GALNT13: variants seen among roughly 807,000 people sequenced by gnomAD.
The protein encoded by GALNT13 is polypeptide N-acetylgalactosaminyltransferase 13.
A neutral mutation model predicts 64.2 loss-of-function variants in GALNT13; 28 were observed. The observed-to-expected ratio is 0.44, with a 90% CI of 0.32 to 0.60. The LOEUF (loss-of-function observed/expected upper bound fraction) is 0.60. Among genes scored for constraint, GALNT13 ranks in the 20% least tolerant of loss-of-function variants. The pLI is 0.05. For missense variants in GALNT13, 577 were observed against 669.8 expected (o/e 0.86, Z 1.53); for synonymous variants, 214 against 224.6 (o/e 0.95, Z 0.42).
At chr2:153,778,438 C>T in the GALNT13 span, among the ~76,000 whole-genome samples, 1 of 152,184 alleles carries the variant, frequency 6.6e-6, no homozygotes, top group Non-Finnish European at 1.5e-5. Context: ...CACCCCTTCT[C>T]CATCATTTTA....
At chr2:153,490,626 C>A in the GALNT13 span, among the ~76,000 whole-genome samples, 1 of 152,108 alleles carries the variant, frequency 6.6e-6, no homozygotes. Flanking sequence ...CCTTCAAGGA[C>A]AATACCAAAA....
chr2:153,840,731 G>A, the GALNT13 span, among the ~76,000 whole-genome samples: 4 of 152,224 alleles, frequency 2.6e-5, no homozygotes, highest in African/African-American at 4.8e-5. Context: ...ATAAAAAATA[G>A]AAAAAGCTAG....
chr2:153,884,511 T>C (rs1482707946), intron 1 of GALNT13, among the ~76,000 whole-genome samples: 3 of 151,780 alleles, frequency 2.0e-5, no homozygotes, highest in Non-Finnish European at 2.9e-5. Flanking sequence ...CTGAACGTGA[T>C]AGCAATAATT....
intron 9 of GALNT13, among the ~76,000 whole-genome samples, chr2:154,318,724 C>CAA (rs5835510): frequency 3.1e-5 from 3 of 96,672 alleles, no homozygotes; most frequent in Non-Finnish European, 6.5e-5. Context: ...AACTCCATTT[C>CAA]AAAAAAAAAA....
the GALNT13 span, among the ~76,000 whole-genome samples, chr2:153,768,476 T>C: frequency 6.6e-6 from 1 of 152,178 alleles, no homozygotes; most frequent in Non-Finnish European, 1.5e-5. Context: ...GGTGCCCCAG[T>C]ATTAGATGCA....
intron 4 of GALNT13, among the ~76,000 whole-genome samples, chr2:154,214,372 G>A (rs1687933094): frequency 6.6e-6 from 1 of 152,000 alleles, no homozygotes. Flanking sequence ...ACCTTTGCTT[G>A]TTGTACTATT....
chr2:153,300,234 G>A, the GALNT13 span, among the ~76,000 whole-genome samples: 1 of 152,172 alleles, frequency 6.6e-6, no homozygotes, highest in East Asian at 1.9e-4. Context: ...ACATGGGTAG[G>A]TTCCCCACTT....
chr2:153,784,679 A>G, the GALNT13 span, among the ~76,000 whole-genome samples: 1 of 152,166 alleles, frequency 6.6e-6, no homozygotes, highest in Admixed American at 6.5e-5. Flanking sequence ...GTAGAAGGTT[A>G]AACTCACATA....
At chr2:153,851,098 A>G in the GALNT13 span, among the ~76,000 whole-genome samples, 9 of 152,160 alleles carry the variant, frequency 5.9e-5, no homozygotes, top group African/African-American at 2.2e-4. Flanking sequence ...GAGAGAAGAA[A>G]ACTATACCAT....
chr2:153,408,484 A>G, the GALNT13 span, among the ~76,000 whole-genome samples: 1 of 152,166 alleles, frequency 6.6e-6, no homozygotes, highest in Non-Finnish European at 1.5e-5. Flanking sequence ...AATAGCAAAA[A>G]TAGTCCTATA....
chr2:153,265,247 C>G, the GALNT13 span, among the ~76,000 whole-genome samples: 1 of 152,136 alleles, frequency 6.6e-6, no homozygotes. Context: ...TCAGGACTTC[C>G]CCAGAAGTTG....
chr2:153,264,435 G>T, the GALNT13 span, among the ~76,000 whole-genome samples: 1 of 152,142 alleles, frequency 6.6e-6, no homozygotes, highest in Non-Finnish European at 1.5e-5. Context: ...TCCCATTACT[G>T]GGTATATACC....
the GALNT13 span, among the ~76,000 whole-genome samples, chr2:153,609,373 A>T: frequency 5.1e-4 from 78 of 152,342 alleles, 1 homozygote; most frequent in South Asian, 4.1e-3. Flanking sequence ...ATCATAGTTC[A>T]TAATGACTTC....
At chr2:153,972,153 C>T (rs1693783264) in intron 3 of GALNT13, among the ~76,000 whole-genome samples, 1 of 151,214 alleles carries the variant, frequency 6.6e-6, no homozygotes, top group South Asian at 2.1e-4. Context: ...TTTTGCACTT[C>T]TAGCCTCCAG....
At chr2:154,265,258 A>T (rs1189188320) in intron 8 of GALNT13, among the ~76,000 whole-genome samples, 1 of 152,020 alleles carries the variant, frequency 6.6e-6, no homozygotes, top group African/African-American at 2.4e-5. Flanking sequence ...AAGAAAAAAT[A>T]GACCAAACAG....
At chr2:153,484,097 C>T in the GALNT13 span, among the ~76,000 whole-genome samples, 1 of 152,080 alleles carries the variant, frequency 6.6e-6, no homozygotes, top group Non-Finnish European at 1.5e-5. Context: ...TAAATATTTA[C>T]ATTTTTGAAA....
chr2:153,250,100 A>C, the GALNT13 span, among the ~76,000 whole-genome samples: 1 of 152,232 alleles, frequency 6.6e-6, no homozygotes, highest in Admixed American at 6.5e-5. Context: ...GTGAACAGAC[A>C]ACCCACAGAA....
intron 3 of GALNT13, among the ~76,000 whole-genome samples, chr2:154,070,626 A>C (rs566220792): frequency 6.6e-6 from 1 of 152,134 alleles, no homozygotes; most frequent in African/African-American, 2.4e-5. Flanking sequence ...GTTTTTAAAA[A>C]GAAAAATTGG....
chr2:153,084,594 T>C, the GALNT13 span, among the ~76,000 whole-genome samples: 1 of 152,144 alleles, frequency 6.6e-6, no homozygotes, highest in Admixed American at 6.6e-5. Context: ...CATATTCTTC[T>C]TGTGATAGTG....
Sources: gnomAD v4.1 joint callset for allele counts (sites outside exome capture counted in the v4.1 genomes callset) on GRCh38, gnomAD v4.1.1 for gene constraint, MANE v1.5 for transcripts, NCBI Gene and HGNC (gene_info 2026-07-23, HGNC 2026-07-21) for gene names.